The following CACHD1 variants were observed in gnomAD, a reference collection of about 807,000 sequenced individuals.
The protein encoded by CACHD1 is cache domain containing 1, also known as VWFA and cache domain-containing protein 1.
A neutral mutation model predicts 138.7 loss-of-function variants in CACHD1; 71 were observed. The observed-to-expected ratio is 0.51, with a 90% CI of 0.42 to 0.62. The LOEUF is 0.62. CACHD1 is among the 20% of genes least tolerant of loss of function. CACHD1 has a pLI of 0.00. For synonymous variants in CACHD1, 578 were observed against 591.5 expected, an observed-to-expected ratio of 0.98 and a Z score of 0.33; for missense variants, 1,389 against 1,625.3, an observed-to-expected ratio of 0.85 and a Z score of 2.50.
intron 1 of CACHD1, among the ~76,000 whole-genome samples, chr1:64,511,232 G>A (rs1405237790): frequency 6.6e-6 from 1 of 152,114 alleles, no homozygotes. Flanking sequence ...CTTATTTGAT[G>A]TTACTTCCTC....
chr1:64,654,554 T>C, intron 11 of CACHD1, 132 bp from the exon 12 acceptor site: 1 of 672,376 alleles, frequency 1.5e-6, no homozygotes. Context: ...CATTATCCTT[T>C]CAAAACTGAT....
intron 26 of CACHD1, among the ~76,000 whole-genome samples, chr1:64,682,624 A>G (rs568504704): frequency 2.6e-5 from 4 of 152,354 alleles, no homozygotes; most frequent in East Asian, 1.9e-4. Flanking sequence ...CCAAAGGACC[A>G]GTGTTTACAA....
chr1:64,553,503 G>A (rs1041068143), intron 2 of CACHD1, among the ~76,000 whole-genome samples: 5 of 152,170 alleles, frequency 3.3e-5, no homozygotes, highest in African/African-American at 7.2e-5. Flanking sequence ...ATTGTTATTA[G>A]CAATGTTCAG....
chr1:64,477,617 TA>T lies in CACHD1; in HGVS notation c.198+6676del, dbSNP rs1302868192. ...TTATTATTATTATTATTATTATTAT[TA>T]TTATTATTTTATTTTATTTTTTTTT... On this transcript the variant is annotated intron_variant, in intron 1 of 26. Coordinates refer to ENST00000651257, the MANE Select transcript of CACHD1 (RefSeq NM_020925.4). 2.9e-3 allele frequency among the ~76,000 whole-genome samples: 412 copies of T among 140,714 alleles called. 5 individuals are homozygous for T. The highest frequency in any genetic ancestry group is 0.01 in the African/African-American group (377 of 36,836). 92.3% of individuals were successfully genotyped at this position (140,714 alleles called of 152,430 possible).
At chr1:64,598,740 C>T (rs546731757) in intron 3 of CACHD1, among the ~76,000 whole-genome samples, 25 of 151,978 alleles carry the variant, frequency 1.6e-4, no homozygotes, top group African/African-American at 5.8e-4. Context: ...ATGTATTTGG[C>T]ATAGGGGGAA....
At chr1:64,658,924 A>G (rs1011814501) in intron 13 of CACHD1, 51 bp downstream of exon 13, 2 of 1,435,078 alleles carry the variant, frequency 1.4e-6, no homozygotes, top group African/African-American at 2.9e-5. Context: ...GCTCACTGTA[A>G]ATATCCTTTT....
intron 26 of CACHD1, among the ~76,000 whole-genome samples, 174 bp from the exon 27 acceptor site, chr1:64,691,149 T>C (rs1041145176): frequency 2.6e-5 from 4 of 152,176 alleles, no homozygotes. Context: ...AAAAGAGTTA[T>C]CACTAAATCT....
chr1:64,651,751 G>T (rs1259497510), intron 9 of CACHD1, among the ~76,000 whole-genome samples: 2 of 152,192 alleles, frequency 1.3e-5, no homozygotes, highest in Non-Finnish European at 2.9e-5. Flanking sequence ...GGTACAGCTG[G>T]ACTATTAAGT....
At position 64,632,507 on chromosome 1, in the gene CACHD1, C is replaced by A. The variant is rs145197195; in HGVS notation, c.645-92C>A. The A allele has an allele frequency of 3.8e-6, 5 of 1,324,416 alleles. No individual in the cohort carries two copies. The East Asian group carries it at 1.2e-4, about 31-fold the overall frequency. The allele number at this position is 1,324,416 out of a possible 1,614,324, so 82.0% of individuals were successfully genotyped here. Reference sequence around the variant, plus strand: ...ATCCCTGGGAGAACACAGAGACCAACATGCCCATGCACTGTAGTGTTCACA... The same window carrying A: ...ATCCCTGGGAGAACACAGAGACCAAAATGCCCATGCACTGTAGTGTTCACA... On this transcript the variant is annotated intron_variant, in intron 5 of 26. Transcript: ENST00000651257.
At chr1:64,589,270 C>T (rs1647077737) in intron 3 of CACHD1, among the ~76,000 whole-genome samples, 1 of 152,070 alleles carries the variant, frequency 6.6e-6, no homozygotes, top group African/African-American at 2.4e-5. Context: ...AAATTTAGTG[C>T]ATTTCCAGCT....
At chr1:64,648,238 G>A (rs1157126633) in intron 9 of CACHD1, among the ~76,000 whole-genome samples, 2 of 152,112 alleles carry the variant, frequency 1.3e-5, no homozygotes, top group Non-Finnish European at 2.9e-5. Flanking sequence ...CTCTGGGGAG[G>A]CTTTGTGAGG....
chr1:64,481,844 A>G (rs939297798), intron 1 of CACHD1, among the ~76,000 whole-genome samples: 1 of 152,238 alleles, frequency 6.6e-6, no homozygotes, highest in Non-Finnish European at 1.5e-5. Flanking sequence ...GCTGAAATAT[A>G]GATTCATCAG....
intron 23 of CACHD1, 104 bp downstream of exon 23, chr1:64,678,414 C>CTTTGCTGGTAGTCT: frequency 8.4e-7 from 1 of 1,185,552 alleles, no homozygotes; most frequent in Non-Finnish European, 1.1e-6. Flanking sequence ...TCCCTGATTC[C>CTTTGCTGGTAGTCT]TTTGCTGGTA....
rs901981465 is a variant in CACHD1, at chr1:64,548,048, G to T, written c.199-2546G>T. Among the ~76,000 whole-genome samples, 4 of 152,292 alleles carry T rather than the reference G, an allele frequency of 2.6e-5. No homozygotes were observed. The East Asian group carries it at 7.7e-4, about 29-fold the overall frequency. On this transcript the variant is annotated intron_variant, in intron 1 of 26. Transcript: ENST00000651257. ...CATAAAAAGATCTACTAAGATAAAA[G>T]TATTAGTAATCACTCCTGTTAAGAT...
intron 26 of CACHD1, among the ~76,000 whole-genome samples, chr1:64,690,052 A>G (rs1293147299): frequency 6.6e-6 from 1 of 152,214 alleles, no homozygotes; most frequent in East Asian, 1.9e-4. Context: ...TCTCCAATAA[A>G]TGAATAAGTG....
At chr1:64,648,116 G>A (rs1237427425) in intron 9 of CACHD1, 82 bp downstream of exon 9, 4 of 1,065,802 alleles carry the variant, frequency 3.8e-6, no homozygotes, top group Non-Finnish European at 5.5e-6. Context: ...CAGGATCATA[G>A]GGTTTCTTAG....
At chr1:64,675,606 A>G (rs1037532441) in intron 20 of CACHD1, 45 bp downstream of exon 20, 1 of 1,556,758 alleles carries the variant, frequency 6.4e-7, no homozygotes, top group Admixed American at 1.7e-5. Flanking sequence ...ACACTGTTTA[A>G]TATTTCAACT....
At chr1:64,537,683 C>T (rs1646644304) in intron 1 of CACHD1, among the ~76,000 whole-genome samples, 1 of 152,080 alleles carries the variant, frequency 6.6e-6, no homozygotes, top group African/African-American at 2.4e-5. Context: ...CCAGGTAGTC[C>T]CAAATGACAT....
At chr1:64,523,852 G>T (rs769398490) in intron 1 of CACHD1, among the ~76,000 whole-genome samples, 3 of 152,098 alleles carry the variant, frequency 2.0e-5, no homozygotes, top group Non-Finnish European at 4.4e-5. Context: ...GTTTGTAGAA[G>T]AGACTTTCAC....
Sources: allele counts gnomAD v4.1 joint callset (sites outside exome capture counted in the v4.1 genomes callset), GRCh38; gene constraint gnomAD v4.1.1; transcripts MANE v1.5; gene names NCBI Gene and HGNC (gene_info 2026-07-23, HGNC 2026-07-21).